CSTPP1: variants seen among roughly 807,000 people sequenced by gnomAD.
The protein encoded by CSTPP1 is UPF0705 protein C11orf49.
At chr11:47,158,388 G>A in the CSTPP1 span, among the ~76,000 whole-genome samples, 8 of 151,972 alleles carry the variant, frequency 5.3e-5, no homozygotes, top group African/African-American at 1.9e-4. Flanking sequence ...AACAAAAGTA[G>A]GGGAAGTCTG....
At chr11:47,068,661 C>G in the CSTPP1 span, among the ~76,000 whole-genome samples, 2 of 152,136 alleles carry the variant, frequency 1.3e-5, no homozygotes, top group African/African-American at 4.8e-5. Flanking sequence ...CCTTTCCAGT[C>G]ACCGTACAAA....
chr11:47,075,980 CTG>C, the CSTPP1 span, among the ~76,000 whole-genome samples: 1 of 133,120 alleles, frequency 7.5e-6, no homozygotes, highest in African/African-American at 2.8e-5. Flanking sequence ...TACTCTGAAA[CTG>C]GGAGTGAGAG....
the CSTPP1 span, among the ~76,000 whole-genome samples, chr11:46,971,424 T>A: frequency 6.6e-6 from 1 of 152,200 alleles, no homozygotes; most frequent in Non-Finnish European, 1.5e-5. Context: ...GAAAGTAATC[T>A]GACAATACAT....
chr11:47,071,502 A>T, the CSTPP1 span, among the ~76,000 whole-genome samples: 1 of 152,210 alleles, frequency 6.6e-6, no homozygotes, highest in Non-Finnish European at 1.5e-5. Flanking sequence ...TGTTGCTTTT[A>T]TCATTGTGAT....
the CSTPP1 span, among the ~76,000 whole-genome samples, chr11:47,035,260 A>G: frequency 2.6e-5 from 4 of 152,218 alleles, no homozygotes; most frequent in Admixed American, 2.6e-4. Context: ...ATTCAACTTT[A>G]TCTTGTAACG....
At chr11:47,157,511 A>C in the CSTPP1 span, among the ~76,000 whole-genome samples, 3 of 152,154 alleles carry the variant, frequency 2.0e-5, no homozygotes, top group African/African-American at 7.2e-5. Context: ...CCTTGTATAA[A>C]ACTTTTCTAC....
At chr11:46,972,408 A>T in the CSTPP1 span, among the ~76,000 whole-genome samples, 1 of 152,146 alleles carries the variant, frequency 6.6e-6, no homozygotes, top group African/African-American at 2.4e-5. Flanking sequence ...GTTGTTGAGC[A>T]TTGGTGCCTG....
the CSTPP1 span, among the ~76,000 whole-genome samples, chr11:47,103,976 T>TA: frequency 2.0e-5 from 3 of 152,114 alleles, no homozygotes; most frequent in Non-Finnish European, 4.4e-5. Flanking sequence ...AATGGCCATA[T>TA]TTAAAGATAT....
the CSTPP1 span, among the ~76,000 whole-genome samples, chr11:47,063,242 T>C: frequency 7.9e-5 from 12 of 152,190 alleles, no homozygotes; most frequent in Non-Finnish European, 1.8e-4. Context: ...ATATATGGTT[T>C]TTCTTATTAT....
At chr11:47,088,435 C>A in the CSTPP1 span, among the ~76,000 whole-genome samples, 1 of 152,096 alleles carries the variant, frequency 6.6e-6, no homozygotes, top group Non-Finnish European at 1.5e-5. Flanking sequence ...AAAGAAGTAC[C>A]ACATATGACT....
the CSTPP1 span, among the ~76,000 whole-genome samples, chr11:47,051,195 T>C: frequency 6.6e-6 from 1 of 152,192 alleles, no homozygotes. Context: ...AAATTTAATG[T>C]CTGCCTCTCC....
At chr11:47,116,837 G>A in the CSTPP1 span, among the ~76,000 whole-genome samples, 4 of 151,772 alleles carry the variant, frequency 2.6e-5, no homozygotes, top group Admixed American at 6.6e-5. Flanking sequence ...CTGCCACCAC[G>A]CCTGGCTAAT....
chr11:46,971,552 C>G, the CSTPP1 span, among the ~76,000 whole-genome samples: 1 of 151,992 alleles, frequency 6.6e-6, no homozygotes, highest in Admixed American at 6.6e-5. Context: ...ATATTTATAG[C>G]CACATTATTT....
chr11:47,076,705 G>C, the CSTPP1 span, among the ~76,000 whole-genome samples: 1 of 151,978 alleles, frequency 6.6e-6, no homozygotes, highest in Non-Finnish European at 1.5e-5. Context: ...GCTGGCCATG[G>C]TGCCTGTAAT....
At chr11:47,157,258 G>A in the CSTPP1 span, 1 of 1,525,834 alleles carries the variant, frequency 6.6e-7, no homozygotes, top group Non-Finnish European at 8.8e-7. Context: ...CCCAGCCCCA[G>A]GGGGTCGGAC....
the CSTPP1 span, among the ~76,000 whole-genome samples, chr11:47,022,358 CTTTTTTT>C: frequency 2.0e-5 from 1 of 48,806 alleles, no homozygotes; most frequent in Non-Finnish European, 3.6e-5. Flanking sequence ...TTCATATGTC[CTTTTTTT>C]TTTTTTTTTT....
chr11:46,958,731 T>G, the CSTPP1 span, among the ~76,000 whole-genome samples: 4 of 138,356 alleles, frequency 2.9e-5, no homozygotes, highest in African/African-American at 9.9e-5. Context: ...GCCAGTGGTG[T>G]AGTTCCGTCT....
chr11:47,066,717 G>A, the CSTPP1 span, among the ~76,000 whole-genome samples: 10 of 152,180 alleles, frequency 6.6e-5, no homozygotes, highest in Non-Finnish European at 1.3e-4. Flanking sequence ...ATTCATGGTC[G>A]GAGGAGGTGC....
chr11:47,107,848 G>T, the CSTPP1 span, among the ~76,000 whole-genome samples: 1 of 136,136 alleles, frequency 7.3e-6, no homozygotes, highest in Non-Finnish European at 1.6e-5. Flanking sequence ...AAACTGCTCG[G>T]TACAATTCCC....
Sources: gnomAD v4.1 joint callset for allele counts (sites outside exome capture counted in the v4.1 genomes callset) on GRCh38, gnomAD v4.1.1 for gene constraint, MANE v1.5 for transcripts, NCBI Gene and HGNC (gene_info 2026-07-23, HGNC 2026-07-21) for gene names.